Variants in ARHGEF9 observed in about 807,000 individuals in gnomAD.
The protein encoded by ARHGEF9 is Cdc42 guanine nucleotide exchange factor 9, also known as rho guanine nucleotide exchange factor 9.
A neutral mutation model predicts 41.3 loss-of-function variants in ARHGEF9; 2 were observed. The ratio of observed to expected loss-of-function variants is 0.05; its 90% CI spans 0.02 to 0.15. The LOEUF is 0.15. Ranked by LOEUF, ARHGEF9 falls within the 10% of genes least tolerant of loss-of-function variation. ARHGEF9 has a pLI of 1.00. For synonymous variants in ARHGEF9, 160 were observed against 154.4 expected (o/e 1.04, Z -0.27); for missense variants, 225 against 424.7 (o/e 0.53, Z 4.13).
At chrX:63,776,675 CAG>C (rs1195854058) in intron 1 of ARHGEF9, among the ~76,000 whole-genome samples, 2 of 111,469 alleles carry the variant, frequency 1.8e-5, no homozygotes, top group Non-Finnish European at 3.8e-5. Flanking sequence ...GAGCACTGTG[CAG>C]AGAGTAAAGC....
intron 1 of ARHGEF9, among the ~76,000 whole-genome samples, chrX:63,756,335 GA>G: frequency 8.9e-6 from 1 of 112,102 alleles, no homozygotes; most frequent in East Asian, 2.8e-4. Flanking sequence ...ATATACCTAA[GA>G]AAAATGAAAA....
At chrX:63,703,566 A>G (rs1325518099) in intron 3 of ARHGEF9, among the ~76,000 whole-genome samples, 1 of 112,530 alleles carries the variant, frequency 8.9e-6, no homozygotes, top group Non-Finnish European at 1.9e-5. Context: ...TTTAATTTTG[A>G]CTTTAAGCAA....
At chrX:63,704,427 G>C (rs1184127560) in intron 3 of ARHGEF9, among the ~76,000 whole-genome samples, 2 of 111,586 alleles carry the variant, frequency 1.8e-5, no homozygotes, top group Non-Finnish European at 3.8e-5. Context: ...TTATGTCCAG[G>C]CCTGGCACAG....
intron 1 of ARHGEF9, among the ~76,000 whole-genome samples, chrX:63,763,281 TAGAA>T (rs1387151422): frequency 2.7e-5 from 3 of 111,520 alleles, no homozygotes; most frequent in East Asian, 2.8e-4. Flanking sequence ...GAAGGATACA[TAGAA>T]AGCCATTAAG....
chrX:63,771,093 T>G (rs1470755516), intron 1 of ARHGEF9, among the ~76,000 whole-genome samples: 1 of 112,327 alleles, frequency 8.9e-6, no homozygotes, highest in Non-Finnish European at 1.9e-5. Context: ...TGTATCTCAT[T>G]GTGGTTTTAG....
At chrX:63,708,745 A>C (rs782251777) in intron 2 of ARHGEF9, among the ~76,000 whole-genome samples, 20 of 112,224 alleles carry the variant, frequency 1.8e-4, no homozygotes, top group African/African-American at 6.2e-4. Context: ...TCATTCATTA[A>C]ATCTATGCCA....
At chrX:63,713,069 T>C (rs1471109227) in intron 2 of ARHGEF9, 1 of 111,554 alleles carries the variant, frequency 9.0e-6, no homozygotes, top group Non-Finnish European at 1.9e-5. Flanking sequence ...TCAAGGAGTG[T>C]CTTAGAAAGC....
chrX:63,717,796 T>C (rs1243923415), intron 2 of ARHGEF9, among the ~76,000 whole-genome samples: 2 of 112,005 alleles, frequency 1.8e-5, no homozygotes, highest in Admixed American at 9.4e-5. Context: ...CTTAATGAGA[T>C]AGGTGTTGTT....
chrX:63,669,981 T>G (rs1301550922), intron 6 of ARHGEF9, among the ~76,000 whole-genome samples: 1 of 111,771 alleles, frequency 8.9e-6, no homozygotes, highest in Non-Finnish European at 1.9e-5. Flanking sequence ...AATCAATAGG[T>G]GTGGAATGAA....
At chrX:63,648,070 T>C (rs1410181337) in intron 8 of ARHGEF9, among the ~76,000 whole-genome samples, 2 of 110,921 alleles carry the variant, frequency 1.8e-5, no homozygotes, top group South Asian at 3.8e-4. Context: ...GCAAGGCAGG[T>C]CAACATTCAA....
intron 2 of ARHGEF9, among the ~76,000 whole-genome samples, chrX:63,708,644 C>T (rs1352243276): frequency 9.0e-6 from 1 of 111,658 alleles, no homozygotes; most frequent in African/African-American, 3.3e-5. Flanking sequence ...TCTGAGAAGA[C>T]ACCTTCATCT....
rs201716574 is a variant in ARHGEF9, at chrX:63,635,290, G to GA, written c.*2737dup. On this transcript the variant is annotated 3_prime_UTR_variant, in exon 10 of 10. Coordinates refer to ENST00000671741, the MANE Select transcript of ARHGEF9 (RefSeq NM_001353921.2). ...AGAAATATACACATAGAGAGGGGGG[G>GA]AAAAAGAGAGAATAATTAGATGTCT... 9,953 of 515,421 alleles carry GA rather than the reference G, an allele frequency of 0.019. 235 individuals carry two copies. The highest frequency in any genetic ancestry group is 0.097 in the African/African-American group (4,073 of 42,177). The allele number at this position is 515,421 out of a possible 1,213,427, so 42.5% of individuals were successfully genotyped here.
At chrX:63,767,479 G>A (rs1419225475) in intron 1 of ARHGEF9, 11 of 277,590 alleles carry the variant, frequency 4.0e-5, no homozygotes, top group African/African-American at 3.1e-4. Context: ...AAGCCCCTTG[G>A]ACACTGCAGC....
intron 1 of ARHGEF9, among the ~76,000 whole-genome samples, chrX:63,752,502 A>C (rs1556442339): frequency 8.9e-6 from 1 of 112,048 alleles, no homozygotes; most frequent in African/African-American, 3.3e-5. Context: ...AATGAAGCTA[A>C]GGGGGGAAAA....
chrX:63,636,762 C>T lies in ARHGEF9; in HGVS notation c.*1266G>A, dbSNP rs1210841006. 1.4e-5 allele frequency: 4 copies of T among 294,543 alleles called. No homozygotes were observed. In the East Asian group the frequency reaches 1.9e-4, roughly 14 times the overall value. 24.3% of individuals were successfully genotyped at this position (294,543 alleles called of 1,213,427 possible). On this transcript the variant is annotated 3_prime_UTR_variant, in exon 10 of 10. Coordinates refer to ENST00000671741, the MANE Select transcript of ARHGEF9 (RefSeq NM_001353921.2). ...GCAGGTACAATACTGTGGATCAAGGCTATCTCTTTCCATTCCCATCCCTGT... is the reference window on the plus strand; with the variant it reads ...GCAGGTACAATACTGTGGATCAAGGTTATCTCTTTCCATTCCCATCCCTGT...
intron 8 of ARHGEF9, among the ~76,000 whole-genome samples, chrX:63,649,718 G>GA (rs2048403894): frequency 9.0e-6 from 1 of 111,196 alleles, no homozygotes; most frequent in Admixed American, 9.6e-5. Context: ...AGAAAAGAGA[G>GA]AAGAATCAAA....
chrX:63,697,329 C>G, intron 3 of ARHGEF9, 25 bp from the exon 4 acceptor site: 1 of 1,201,035 alleles, frequency 8.3e-7, no homozygotes, highest in Non-Finnish European at 1.1e-6. Flanking sequence ...AAAGCCTAGG[C>G]TGAGGAAGTC....
intron 5 of ARHGEF9, among the ~76,000 whole-genome samples, chrX:63,676,024 TTGCACAAC>T (rs1257340753): frequency 4.5e-5 from 5 of 112,157 alleles, no homozygotes; most frequent in South Asian, 3.7e-4. Context: ...CCGCACATCT[TTGCACAAC>T]TGCACAACTG....
At chrX:63,730,839 T>C (rs2054239370) in intron 1 of ARHGEF9, among the ~76,000 whole-genome samples, 1 of 111,994 alleles carries the variant, frequency 8.9e-6, no homozygotes, top group African/African-American at 3.3e-5. Context: ...TTTGGGGTCA[T>C]GTAAGCAGCA....
Sources: allele counts gnomAD v4.1 joint callset (sites outside exome capture counted in the v4.1 genomes callset), GRCh38; gene constraint gnomAD v4.1.1; transcripts MANE v1.5; gene names NCBI Gene and HGNC (gene_info 2026-07-23, HGNC 2026-07-21).